The following THSD7A variants were observed in gnomAD, a reference collection of about 807,000 sequenced individuals.
THSD7A encodes thrombospondin type 1 domain containing 7A, also known as thrombospondin type-1 domain-containing protein 7A.
In THSD7A, 96 loss-of-function variants were observed where a neutral mutation model predicts 231.3. The observed-to-expected ratio is 0.41, with a 90% confidence interval of 0.35 to 0.49. THSD7A has a LOEUF of 0.49. Among genes scored for constraint, THSD7A ranks in the 20% least tolerant of loss-of-function variants. The pLI is 0.05. For missense variants in THSD7A, 2,290 were observed against 2,070.2 expected (o/e 1.11, Z -2.06); for synonymous variants, 940 against 743.3 (o/e 1.26, Z -4.30).
chr7:11,577,819 G>C (rs16876989), intron 4 of THSD7A, among the ~76,000 whole-genome samples: 5,008 of 151,946 alleles, frequency 0.033, 285 homozygotes, highest in African/African-American at 0.11. Context: ...CTAACAATCC[G>C]AGGGTTACTA....
Position 11,814,845 on chromosome 7 carries a change from A to T in THSD7A, c.190+16912T>A, listed in dbSNP as rs1003276038. Among the ~76,000 whole-genome samples the T allele has an allele frequency of 6.6e-6, 1 of 152,236 alleles. No homozygotes were observed. The highest frequency in any genetic ancestry group is 6.5e-5 in the Admixed American group (1 of 15,282). ...GCAAACTCTCAAAAGAAGCTGTTTG[A>T]TAAGAGTGATTGGATCTTCTGATCT... On this transcript the variant is annotated intron_variant, in intron 1 of 27. Coordinates refer to ENST00000423059, the MANE Select transcript of THSD7A (RefSeq NM_015204.3). This position sits in a 1 kb window ranked among gnomAD's most constrained non-coding sequence, Gnocchi z 5.1.
At chr7:11,419,597 C>T (rs1784075251) in intron 16 of THSD7A, among the ~76,000 whole-genome samples, 1 of 151,980 alleles carries the variant, frequency 6.6e-6, no homozygotes, top group Admixed American at 6.6e-5. Context: ...AAAATTGGTA[C>T]AAAAGAAGTG....
At chr7:11,568,149 A>G (rs1022853374) in intron 4 of THSD7A, among the ~76,000 whole-genome samples, 21 of 152,138 alleles carry the variant, frequency 1.4e-4, no homozygotes, top group Admixed American at 1.2e-3. Context: ...TTTATTTGCA[A>G]TTCAACAACT....
intron 19 of THSD7A, among the ~76,000 whole-genome samples, chr7:11,410,741 C>G (rs1307718899): frequency 6.6e-6 from 1 of 152,044 alleles, no homozygotes; most frequent in African/African-American, 2.4e-5. Flanking sequence ...TTCACTTAAT[C>G]AGACCTGAGT....
chr7:11,776,920 C>T (rs1286076563), intron 1 of THSD7A, among the ~76,000 whole-genome samples: 1 of 152,124 alleles, frequency 6.6e-6, no homozygotes, highest in Non-Finnish European at 1.5e-5. Flanking sequence ...CTGCTATTAG[C>T]TTTTGAAACA....
At chr7:11,488,070 C>T (rs1786734244) in intron 6 of THSD7A, among the ~76,000 whole-genome samples, 1 of 152,062 alleles carries the variant, frequency 6.6e-6, no homozygotes. Context: ...GAAATTGAAG[C>T]AGAGAGGGAC....
At chr7:11,526,479 A>G (rs572168261) in intron 6 of THSD7A, among the ~76,000 whole-genome samples, 32 of 152,294 alleles carry the variant, frequency 2.1e-4, no homozygotes, top group Non-Finnish European at 4.3e-4. Flanking sequence ...ATTTGATTAC[A>G]TATTTTCCCA....
intron 23 of THSD7A, among the ~76,000 whole-genome samples, chr7:11,389,421 C>CCTTTTTTTTTTTTT (rs1782891472): frequency 2.7e-5 from 1 of 37,588 alleles, no homozygotes; most frequent in African/African-American, 9.6e-5. Flanking sequence ...GCAACTCCTG[C>CCTTTTTTTTTTTTT]TTTTTTTTTT....
At chr7:11,664,576 T>G (rs889053869) in intron 1 of THSD7A, among the ~76,000 whole-genome samples, 1 of 152,036 alleles carries the variant, frequency 6.6e-6, no homozygotes, top group Admixed American at 6.6e-5. Context: ...CCATTGAAAC[T>G]GATGCAAGCT....
intron 6 of THSD7A, among the ~76,000 whole-genome samples, chr7:11,506,006 T>C (rs989701821): frequency 7.9e-5 from 12 of 152,198 alleles, no homozygotes; most frequent in Admixed American, 3.9e-4. Flanking sequence ...GAGAACAAGA[T>C]AGACAAAAAG....
chr7:11,685,613 T>C (rs963074876), intron 1 of THSD7A, among the ~76,000 whole-genome samples: 1 of 151,690 alleles, frequency 6.6e-6, no homozygotes, highest in Non-Finnish European at 1.5e-5. Context: ...AACAAACATA[T>C]GAAAAAGAGC....
rs1785531371 is a variant in THSD7A, at chr7:11,462,135, T to G, written c.2377A>C (p.Ser793Arg). Residue 793 changes from serine to arginine, a missense_variant, in exon 10 of 28, where the codon AGT becomes CGT. Transcript: ENST00000423059. ...CGATGCCTAGACTGCTTCCTGATAC[T>G]GGAGTCCCCTGCAATGAAGCAGTTT... ...CPSSCKEGDSSIRKQSRHRVI... is the reference protein window; with the variant it reads ...CPSSCKEGDSRIRKQSRHRVI... 2.5e-6 allele frequency: 4 copies of G among 1,613,586 alleles called. No homozygotes were observed. The highest frequency in any genetic ancestry group is 3.4e-6 in the Non-Finnish European group (4 of 1,179,728).
intron 1 of THSD7A, among the ~76,000 whole-genome samples, chr7:11,812,470 C>T (rs527985683): frequency 8.5e-5 from 13 of 152,070 alleles, no homozygotes; most frequent in Admixed American, 2.6e-4. Flanking sequence ...AGATAAAATA[C>T]GTTATCATTT....
intron 22 of THSD7A, among the ~76,000 whole-genome samples, chr7:11,404,122 C>A (rs1383459345): frequency 6.6e-6 from 1 of 152,026 alleles, no homozygotes; most frequent in Non-Finnish European, 1.5e-5. Context: ...ACATCATTTA[C>A]CACAGGTTAT....
At chr7:11,696,723 G>C (rs1326915155) in intron 1 of THSD7A, among the ~76,000 whole-genome samples, 1 of 151,300 alleles carries the variant, frequency 6.6e-6, no homozygotes, top group African/African-American at 2.4e-5. Context: ...GGGCTACCTG[G>C]GAAAGTAAAT....
intron 22 of THSD7A, among the ~76,000 whole-genome samples, chr7:11,403,273 G>A (rs6460816): frequency 0.018 from 2,738 of 152,220 alleles, 85 homozygotes; most frequent in African/African-American, 0.058. Flanking sequence ...AAAACTTCTT[G>A]TGTCATGCCT....
chr7:11,740,786 T>G (rs190652438), intron 1 of THSD7A, among the ~76,000 whole-genome samples: 25 of 152,130 alleles, frequency 1.6e-4, no homozygotes, highest in Middle Eastern at 3.4e-3. Context: ...TGCATTTGTT[T>G]CCTTCAGCAT....
chr7:11,410,884 A>C (rs1783761084), intron 19 of THSD7A, among the ~76,000 whole-genome samples: 1 of 152,092 alleles, frequency 6.6e-6, no homozygotes. Context: ...CACAAAATTC[A>C]CATCACATTA....
At chr7:11,452,607 G>A (rs1026436291) in intron 11 of THSD7A, among the ~76,000 whole-genome samples, 2 of 152,010 alleles carry the variant, frequency 1.3e-5, no homozygotes. Context: ...CTGAGACTGA[G>A]GTTGGCTAAG....
Sources: gnomAD v4.1 joint callset for allele counts (sites outside exome capture counted in the v4.1 genomes callset) on GRCh38, gnomAD v4.1.1 for gene constraint, Gnocchi (gnomAD v3.1) non-coding constraint, MANE v1.5 for transcripts, NCBI Gene and HGNC (gene_info 2026-07-23, HGNC 2026-07-21) for gene names.